The following RASIP1 variants were observed in gnomAD, a reference collection of about 807,000 sequenced individuals.
RASIP1 encodes Ras interacting protein 1, also known as ras-interacting protein 1.
RASIP1 carries 20 observed loss-of-function variants against 85.3 expected under a neutral mutation model. The ratio of observed to expected loss-of-function variants is 0.23; its 90% CI spans 0.17 to 0.34. The LOEUF is 0.34. RASIP1 is among the 10% of genes least tolerant of loss of function. The probability of loss-of-function intolerance (pLI) is 1.00; values close to 1 mark genes in which losing one functional copy is unlikely to be tolerated. For synonymous variants in RASIP1, 617 were observed against 647.1 expected (o/e 0.95, Z 0.71); for missense variants, 1,170 against 1,390.9 (o/e 0.84, Z 2.53).
rs2033548003 is a variant in RASIP1, at chr19:48,735,236, C to T, written c.1139G>A (p.Arg380His). The T allele has an allele frequency of 4.3e-6, 7 of 1,613,424 alleles. No individual in the cohort carries two copies. In the East Asian group the frequency reaches 1.6e-4, roughly 36 times the overall value. ...TQCLIQAPSN[R>H]PYFLLLQGYQ... is the part of the protein sequence containing the mutation. Reference sequence around the variant, plus strand: ...GCCCTGGAGCAGCAGGAAGTAGGGGCGGTTGCTGGGGGCCTGGATGAGGCA... The same window carrying T: ...GCCCTGGAGCAGCAGGAAGTAGGGGTGGTTGCTGGGGGCCTGGATGAGGCA... Residue 380 changes from arginine (R) to histidine (H), a missense_variant, in exon 4 of 12, where the codon CGC becomes CAC. Physicochemically the swap from Arg to His is conservative, Grantham distance 29. Coordinates refer to ENST00000222145, the MANE Select transcript of RASIP1 (RefSeq NM_017805.3).
rs1276601898 is a variant in RASIP1 at position 48,738,744 on chromosome 19, C to G, written c.823+216G>C. 4.3e-6 allele frequency: 2 copies of G among 470,178 alleles called. No individual in the cohort carries two copies. Among genetic ancestry groups the G allele is most frequent in the African/African-American group, 4.1e-5 (2 of 48,706 alleles). The allele number at this position is 470,178 out of a possible 1,614,324, so 29.1% of individuals were successfully genotyped here. Reference sequence around the variant, plus strand: ...AAAACTCCTGCTCAATCAACAAGCCCCACCCAACTCTCAGGCCCGCCCATC... The same window carrying G: ...AAAACTCCTGCTCAATCAACAAGCCGCACCCAACTCTCAGGCCCGCCCATC... On this transcript the variant is annotated intron_variant, in intron 3 of 11. Coordinates refer to ENST00000222145, the MANE Select transcript of RASIP1 (RefSeq NM_017805.3). The surrounding 1 kb of genome is among the most constrained non-coding windows in gnomAD (Gnocchi z 4.0).
Position 48,738,040 on chromosome 19 carries a change from G to A in RASIP1, c.823+920C>T. On this transcript the variant is annotated intron_variant, in intron 3 of 11. Coordinates refer to ENST00000222145, the MANE Select transcript of RASIP1 (RefSeq NM_017805.3). The surrounding 1 kb of genome is among the most constrained non-coding windows in gnomAD (Gnocchi z 4.0). ...GCTCACTGCAGCCTCTGCCTCCTGGGTTCAAATTATTCTCATGTCTCGGCC... is the reference window on the plus strand; with the variant it reads ...GCTCACTGCAGCCTCTGCCTCCTGGATTCAAATTATTCTCATGTCTCGGCC... The A allele has an allele frequency of 2.8e-6, 2 of 726,584 alleles. No individual in the cohort carries two copies. The highest frequency in any genetic ancestry group is 3.4e-6 in the Non-Finnish European group (2 of 593,968). The allele number at this position is 726,584 out of a possible 1,614,324, so 45.0% of individuals were successfully genotyped here. A position where few individuals can be genotyped will look rare whatever the true frequency, so the allele number is the denominator to read the frequency against.
rs2033307151 is a variant in RASIP1, at chr19:48,724,481, G to A, written c.2400C>T (p.Ser800=). The change falls in exon 10 of 12, where the codon TCC becomes TCT. Residue 800 remains serine, a synonymous_variant. Coordinates refer to ENST00000222145, the MANE Select transcript of RASIP1 (RefSeq NM_017805.3). This position sits in a 1 kb window ranked among gnomAD's most constrained non-coding sequence, Gnocchi z 4.6. ...RGQGRPFYQW[S]RAVQIRTNLD... ...GGTTGGTTCGGATTTGAACAGCTCG[G>A]GACCATTGATAGAAAGGCCGGCCTT... The A allele has an allele frequency of 1.2e-6, 2 of 1,613,970 alleles. No homozygotes were observed. Among genetic ancestry groups the A allele is most frequent in the Admixed American group, 3.3e-5 (2 of 59,978 alleles).
At position 48,739,410 on chromosome 19, in the gene RASIP1, G is replaced by A. The variant is rs768607870; in HGVS notation, c.373C>T (p.Pro125Ser). ...AQRWASEKKL[P>S]ELAAGVAPEP... ...GGGGCCACGCCCGCCGCCAGCTCCG[G>A]CAGCTTCTTCTCGCTGGCCCAGCGC... Residue 125 changes from proline to serine, a missense_variant, in exon 3 of 12, where the codon CCG (proline) becomes TCG (serine). By Grantham distance (74) the Pro-to-Ser change is moderately conservative. Coordinates refer to ENST00000222145, the MANE Select transcript of RASIP1 (RefSeq NM_017805.3). The surrounding 1 kb of genome is among the most constrained non-coding windows in gnomAD (Gnocchi z 9.2). 1.2e-5 allele frequency: 17 copies of A among 1,377,478 alleles called. No homozygotes were observed. In the South Asian group the frequency reaches 1.9e-4, roughly 16 times the overall value. 85.3% of individuals were successfully genotyped at this position (1,377,478 alleles called of 1,614,324 possible).
At chr19:48,727,499 G>C in intron 5 of RASIP1, 69 bp from the exon 6 acceptor site, 1 of 1,499,296 alleles carries the variant, frequency 6.7e-7, no homozygotes, top group South Asian at 1.1e-5. Flanking sequence ...TAATACCCTG[G>C]TTTTTATAGA....
Position 48,721,863 on chromosome 19 carries a change from C to T in RASIP1, c.2683G>A (p.Val895Met), listed in dbSNP as rs763904617. 4.4e-6 allele frequency: 7 copies of T among 1,605,980 alleles called. No homozygotes were observed. The highest frequency in any genetic ancestry group is 5.1e-6 in the Non-Finnish European group (6 of 1,176,816). The change falls in exon 11 of 12, where the codon GTG (valine) becomes ATG (methionine). Residue 895 changes from valine to methionine, a missense_variant. By Grantham distance (21) the Val-to-Met change is conservative (BLOSUM62 1). Around this residue, in one of 4 missense-constraint regions of RASIP1, gnomAD observed 144 missense variants for 125.5 expected, o/e 1.15. Transcript: ENST00000222145. ...TCCCATTGCTCCTCACCTGTGTCCA[C>T]AGCCTCCCGCTCTGCAGGGGGAGGG... Reference protein sequence around the residue: ...WDPPPAEREAVDTGDIFESFS... With the variant: ...WDPPPAEREAMDTGDIFESFS...
chr19:48,735,858 C>T (rs529869277), intron 3 of RASIP1, among the ~76,000 whole-genome samples: 2 of 151,596 alleles, frequency 1.3e-5, no homozygotes, highest in South Asian at 4.2e-4. Context: ...TGCAGTGGCA[C>T]GATCTCGGCT....
intron 4 of RASIP1, among the ~76,000 whole-genome samples, chr19:48,731,568 C>G (rs1249937083): frequency 6.6e-6 from 1 of 152,126 alleles, no homozygotes; most frequent in African/African-American, 2.4e-5. Flanking sequence ...TCCAGAAGAC[C>G]TCGTCCTAAA....
chr19:48,739,558 G>T lies in RASIP1; in HGVS notation c.225C>A (p.Val75=). 6.6e-7 allele frequency: 1 copy of T among 1,513,390 alleles called. No individual in the cohort carries two copies. The highest frequency in any genetic ancestry group is 1.2e-5 in the South Asian group (1 of 81,850). 93.7% of individuals were successfully genotyped at this position (1,513,390 alleles called of 1,614,324 possible). Residue 75 remains valine, a synonymous_variant, in exon 3 of 12, where the codon GTC becomes GTA. Transcript: ENST00000222145. The surrounding 1 kb of genome is among the most constrained non-coding windows in gnomAD (Gnocchi z 9.2). The part of the protein sequence containing the change: ...PHVELRRVGA[V]KAAGGASGSR... ...TACCGGAGGCTCCCCCGGCCGCCTT[G>T]ACAGCGCCCACTCGCCGCAGCTCCA...
chr19:48,728,919 C>T lies in RASIP1; in HGVS notation c.1833+18G>A, dbSNP rs1221951596. ...TTGGGGCGCTGGTGGGGCTGGACGG[C>T]GATTGGGGGGCGCTCACCCAGACGG... On this transcript the variant is annotated intron_variant, in intron 5 of 11. Transcript: ENST00000222145. 3 of 1,431,604 alleles carry T rather than the reference C, an allele frequency of 2.1e-6. No individual in the cohort carries two copies. The highest frequency in any genetic ancestry group is 1.8e-6 in the Non-Finnish European group (2 of 1,102,690). The allele number at this position is 1,431,604 out of a possible 1,614,324, so 88.7% of individuals were successfully genotyped here.
In RASIP1 at chr19:48,720,941, A is replaced by G. The variant is rs1359821980; in HGVS notation, c.2749T>C (p.Ser917Pro). ...ACTGGACCAGTGAGGCGCAGGCGCG[A>G]GCTCCCCAGGGGGAGGATGAGGGGC... ...HPPLILPLGS[S>P]RLRLTGPVTD... Residue 917 changes from serine (S) to proline (P), a missense_variant, in exon 12 of 12, where the codon TCG (serine) becomes CCG (proline). Coordinates refer to ENST00000222145, the MANE Select transcript of RASIP1 (RefSeq NM_017805.3). 4.3e-6 allele frequency: 7 copies of G among 1,613,150 alleles called. No homozygotes were observed. In the Admixed American group the frequency reaches 1.2e-4, roughly 27 times the overall value.
Position 48,726,894 on chromosome 19 carries a change from G to A in RASIP1, c.2024-6C>T. On this transcript the variant is annotated splice_polypyrimidine_tract_variant and splice_region_variant and intron_variant, in intron 7 of 11. Coordinates refer to ENST00000222145, the MANE Select transcript of RASIP1 (RefSeq NM_017805.3). Reference sequence around the variant, plus strand: ...GTCATTGCAGAGCTGTGGGTCTGAGGACAGGCTTGGGGTTAAGAGGGAGAA... The same window carrying A: ...GTCATTGCAGAGCTGTGGGTCTGAGAACAGGCTTGGGGTTAAGAGGGAGAA... 2 of 1,613,188 alleles carry A rather than the reference G, an allele frequency of 1.2e-6. No individual in the cohort carries two copies. Among genetic ancestry groups the A allele is most frequent in the Non-Finnish European group, 1.7e-6 (2 of 1,179,476 alleles).
intron 5 of RASIP1, among the ~76,000 whole-genome samples, chr19:48,728,719 G>A (rs1463173823): frequency 6.6e-6 from 1 of 152,164 alleles, no homozygotes; most frequent in Non-Finnish European, 1.5e-5. Context: ...AACCAAGACC[G>A]CCACTGCACT....
At chr19:48,726,293 C>A (rs1175142202) in intron 8 of RASIP1, among the ~76,000 whole-genome samples, 2 of 150,620 alleles carry the variant, frequency 1.3e-5, no homozygotes, top group Non-Finnish European at 3.0e-5. Flanking sequence ...ATGAAGTAAT[C>A]TTGGTTCACT....
At position 48,739,347 on chromosome 19, in the gene RASIP1, C is replaced by T; in HGVS notation, c.436G>A (p.Gly146Arg). 7.4e-7 allele frequency: 1 copy of T among 1,350,650 alleles called. No individual in the cohort carries two copies. The highest frequency in any genetic ancestry group is 9.5e-7 in the Non-Finnish European group (1 of 1,055,988). 83.7% of individuals were successfully genotyped at this position (1,350,650 alleles called of 1,614,324 possible). A position where few individuals can be genotyped will look rare whatever the true frequency, so the allele number is the denominator to read the frequency against. ...PLATRATAPP[G>R]VLKIFGAGLA... ...CCGGCGCCGAAGATCTTGAGGACCC[C>T]CGGAGGCGCCGTGGCGCGGGTAGCC... The change falls in exon 3 of 12, where the codon GGG becomes AGG. Residue 146 changes from glycine to arginine, a missense_variant. Around this residue, in one of 4 missense-constraint regions of RASIP1, gnomAD observed 299 missense variants for 394.4 expected, o/e 0.76. Coordinates refer to ENST00000222145, the MANE Select transcript of RASIP1 (RefSeq NM_017805.3). The surrounding 1 kb of genome is among the most constrained non-coding windows in gnomAD (Gnocchi z 9.2).
rs2122432884 is a variant in RASIP1, at chr19:48,727,064, G to T, written c.1966C>A (p.Leu656Met). 1 of 1,614,210 alleles carries T rather than the reference G, an allele frequency of 6.2e-7. No individual in the cohort carries two copies. Among genetic ancestry groups the T allele is most frequent in the Non-Finnish European group, 8.5e-7 (1 of 1,180,042 alleles). ...ACCTTCTCCTGCACAAAGCTAAGCAGCTCCGTGGTGTTGGCCATCCACAGC... is the reference window on the plus strand; with the variant it reads ...ACCTTCTCCTGCACAAAGCTAAGCATCTCCGTGGTGTTGGCCATCCACAGC... ...LMLWMANTTE[L>M]LSFVQEKVLE... is the part of the protein sequence containing the mutation. The change falls in exon 7 of 12, where the codon CTG (leucine) becomes ATG (methionine). Residue 656 changes from leucine to methionine, a missense_variant. Leu to Met is a conservative substitution (Grantham distance 15). Around this residue, in one of 4 missense-constraint regions of RASIP1, gnomAD observed 426 missense variants for 576.2 expected, o/e 0.74. Coordinates refer to ENST00000222145, the MANE Select transcript of RASIP1 (RefSeq NM_017805.3).
At position 48,740,018 on chromosome 19, in the gene RASIP1, G is replaced by C. The variant is rs1599752747; in HGVS notation, c.137+128C>G. On this transcript the variant is annotated intron_variant, in intron 2 of 11. Coordinates refer to ENST00000222145, the MANE Select transcript of RASIP1 (RefSeq NM_017805.3). This position sits in a 1 kb window ranked among gnomAD's most constrained non-coding sequence, Gnocchi z 5.5. ...TCACTGTGCCCCACCGTCTCCCCCT[G>C]CCCACCAGCTCGTTTGCCCAATTCA... 5.5e-6 allele frequency: 7 copies of C among 1,272,972 alleles called. No individual in the cohort carries two copies. In the East Asian group the frequency reaches 1.6e-4, roughly 30 times the overall value. 78.9% of individuals were successfully genotyped at this position (1,272,972 alleles called of 1,614,324 possible). A position where few individuals can be genotyped will look rare whatever the true frequency, so the allele number is the denominator to read the frequency against.
At position 48,735,337 on chromosome 19, in the gene RASIP1, T is replaced by C. The variant is rs2033549558; in HGVS notation, c.1038A>G (p.Ala346=). ...CGGCTGCCCCTGGGGCCATGCTAAG[T>C]GCCTGCTGTCTCCGCTCCTGCTGCC... The part of the protein sequence containing the change: ...RRRQQERRQQ[A]LSMAPGAADA... Residue 346 remains alanine, a synonymous_variant, in exon 4 of 12, where the codon GCA becomes GCG. Coordinates refer to ENST00000222145, the MANE Select transcript of RASIP1 (RefSeq NM_017805.3). The C allele has an allele frequency of 6.2e-7, 1 of 1,613,488 alleles. No individual in the cohort carries two copies. Among genetic ancestry groups the C allele is most frequent in the Non-Finnish European group, 8.5e-7 (1 of 1,179,890 alleles).
chr19:48,729,698 T>TC, intron 4 of RASIP1, 108 bp from the exon 5 acceptor site: 1 of 1,110,180 alleles, frequency 9.0e-7, no homozygotes, highest in Non-Finnish European at 1.3e-6. Context: ...ACTTTTTTTT[T>TC]CCTTCTTCTT....
Sources: allele counts gnomAD v4.1 joint callset (sites outside exome capture counted in the v4.1 genomes callset), GRCh38; gene constraint gnomAD v4.1.1; regional missense constraint gnomAD v4.1.1; non-coding constraint Gnocchi (gnomAD v3.1); transcripts MANE v1.5; gene names NCBI Gene and HGNC (gene_info 2026-07-23, HGNC 2026-07-21).